The following DOCK9 variants were observed in gnomAD, a reference collection of about 807,000 sequenced individuals.
DOCK9 encodes dedicator of cytokinesis protein 9.
DOCK9 carries 89 observed loss-of-function variants against 263.3 expected under a neutral mutation model. That is an observed-to-expected ratio of 0.34 (90% confidence interval 0.28 to 0.40). The LOEUF is 0.40. Among genes scored for constraint, DOCK9 ranks in the 10% least tolerant of loss-of-function variants. The pLI is 1.00. For missense variants in DOCK9, 2,140 were observed against 2,603.4 expected (o/e 0.82, Z 3.87); for synonymous variants, 976 against 973.1 (o/e 1.00, Z -0.06).
chr13:99,025,588 C>T (rs1162399694), intron 1 of DOCK9, among the ~76,000 whole-genome samples: 3 of 152,206 alleles, frequency 2.0e-5, no homozygotes, highest in East Asian at 1.9e-4. Context: ...GTAGAACCCT[C>T]GCACACTGCT....
chr13:98,970,474 G>A (rs76105349), intron 1 of DOCK9, among the ~76,000 whole-genome samples: 2,504 of 152,322 alleles, frequency 0.016, 67 homozygotes, highest in African/African-American at 0.056. Context: ...GCTTAGAAGT[G>A]CCAAGTGAGC....
chr13:99,015,470 C>T, intron 1 of DOCK9: 1 of 1,596,426 alleles, frequency 6.3e-7, no homozygotes. Flanking sequence ...ATCAATAGTT[C>T]TGAATCTTCT....
At chr13:98,879,174 C>T (rs1218219541) in intron 27 of DOCK9, among the ~76,000 whole-genome samples, 2 of 152,176 alleles carry the variant, frequency 1.3e-5, no homozygotes, top group Admixed American at 1.3e-4. Context: ...CTACCTTGAG[C>T]CTCAGAGAGC....
At chr13:98,974,259 G>A (rs905483290) in intron 1 of DOCK9, among the ~76,000 whole-genome samples, 2 of 152,150 alleles carry the variant, frequency 1.3e-5, no homozygotes, top group African/African-American at 2.4e-5. Flanking sequence ...TCCCCTGGTA[G>A]TGATTTCTAG....
At chr13:99,086,828 G>C (rs1383844414), upstream of DOCK9, among the ~76,000 whole-genome samples, 1 of 150,426 alleles carries the variant, frequency 6.6e-6, no homozygotes, top group Non-Finnish European at 1.5e-5. Context: ...GCGGCGTGCC[G>C]CGCGGGACCC....
intron 2 of DOCK9, among the ~76,000 whole-genome samples, chr13:98,935,684 C>T (rs1220652880): frequency 6.6e-6 from 1 of 152,204 alleles, no homozygotes; most frequent in African/African-American, 2.4e-5. Flanking sequence ...ACGAGAATCG[C>T]TTGAACTCAG....
chr13:99,085,219 A>G (rs887709706), intron 1 of DOCK9, among the ~76,000 whole-genome samples: 1 of 152,028 alleles, frequency 6.6e-6, no homozygotes, highest in African/African-American at 2.4e-5. Flanking sequence ...ACAATCCCCC[A>G]CAGGGCCCAG....
At chr13:99,059,138 G>C (rs1318592915) in intron 1 of DOCK9, among the ~76,000 whole-genome samples, 2 of 152,150 alleles carry the variant, frequency 1.3e-5, no homozygotes, top group African/African-American at 4.8e-5. Context: ...GTGGCTTCAA[G>C]GCGGGCCATG....
chr13:98,965,767 T>C (rs1021157334), intron 1 of DOCK9, among the ~76,000 whole-genome samples: 11 of 152,188 alleles, frequency 7.2e-5, no homozygotes, highest in African/African-American at 2.7e-4. Flanking sequence ...TGGAGAATAT[T>C]TGGAAGAATG....
intron 1 of DOCK9, among the ~76,000 whole-genome samples, chr13:99,028,084 C>T (rs1453764876): frequency 6.6e-6 from 1 of 152,148 alleles, no homozygotes; most frequent in Non-Finnish European, 1.5e-5. Context: ...ACCCTAATAA[C>T]CCACTCTAAA....
intron 1 of DOCK9, among the ~76,000 whole-genome samples, chr13:98,986,922 G>A (rs766299624): frequency 2.0e-5 from 3 of 152,266 alleles, no homozygotes; most frequent in African/African-American, 7.2e-5. Context: ...GGTGAGGAGG[G>A]TGAATGCTAA....
At chr13:98,873,215 T>A (rs2094235390) in intron 27 of DOCK9, among the ~76,000 whole-genome samples, 2 of 152,132 alleles carry the variant, frequency 1.3e-5, no homozygotes, top group Admixed American at 1.3e-4. Context: ...CAAGCATGAC[T>A]ACTCCTATCT....
Position 98,918,841 on chromosome 13 carries a change from C to G in DOCK9, c.717+2113G>C, listed in dbSNP as rs184785662. Among the ~76,000 whole-genome samples, 31 of 152,188 alleles carry G rather than the reference C, an allele frequency of 2.0e-4. No homozygotes were observed. In the East Asian group the frequency reaches 4.0e-3, roughly 20 times the overall value. On this transcript the variant is annotated intron_variant, in intron 7 of 52. Coordinates refer to ENST00000682017, the MANE Select transcript of DOCK9 (RefSeq NM_001366683.2). ...CATAAGGTCCCAGAAACAGGAAACCCAACACAGGAAGGAAGACAGGCCGAA... is the reference window on the plus strand; with the variant it reads ...CATAAGGTCCCAGAAACAGGAAACCGAACACAGGAAGGAAGACAGGCCGAA...
At chr13:98,989,355 A>G (rs1424085206) in intron 1 of DOCK9, among the ~76,000 whole-genome samples, 9 of 129,572 alleles carry the variant, frequency 6.9e-5, no homozygotes, top group East Asian at 4.2e-4. Flanking sequence ...TGATAATAAT[A>G]ATAATAATAA....
At chr13:98,887,143 A>ATATATATTTTT (rs1470080750) in intron 18 of DOCK9, among the ~76,000 whole-genome samples, 2 of 95,292 alleles carry the variant, frequency 2.1e-5, no homozygotes, top group African/African-American at 8.7e-5. Flanking sequence ...ATATATATAT[A>ATATATATTTTT]TTTTTTTTTT....
At chr13:98,983,774 G>A (rs1460234385) in intron 1 of DOCK9, among the ~76,000 whole-genome samples, 1 of 151,786 alleles carries the variant, frequency 6.6e-6, no homozygotes, top group African/African-American at 2.4e-5. Flanking sequence ...CCACCACCAC[G>A]GGTGGGTAAT....
intron 27 of DOCK9, among the ~76,000 whole-genome samples, chr13:98,877,980 C>T (rs2066851923): frequency 6.6e-6 from 1 of 152,182 alleles, no homozygotes; most frequent in African/African-American, 2.4e-5. Context: ...TGTTGAAGTC[C>T]TAACCCCTAA....
At chr13:98,810,624 T>C (rs976861167) in intron 45 of DOCK9, among the ~76,000 whole-genome samples, 4 of 152,164 alleles carry the variant, frequency 2.6e-5, no homozygotes, top group Non-Finnish European at 5.9e-5. Flanking sequence ...TCTTAATAAA[T>C]ATCATCTAGA....
chr13:98,883,667 A>G (rs1276051396), intron 22 of DOCK9, 146 bp downstream of exon 22: 3 of 562,138 alleles, frequency 5.3e-6, no homozygotes, highest in Admixed American at 7.0e-5. Flanking sequence ...ACATATAAGC[A>G]CTTCAGTTGT....
Sources: allele counts gnomAD v4.1 joint callset (sites outside exome capture counted in the v4.1 genomes callset), GRCh38; gene constraint gnomAD v4.1.1; transcripts MANE v1.5; gene names NCBI Gene and HGNC (gene_info 2026-07-23, HGNC 2026-07-21).